XRCC5: variants seen among roughly 807,000 people sequenced by gnomAD.
The protein encoded by XRCC5 is X-ray repair cross complementing 5.
A neutral mutation model predicts 95.7 loss-of-function variants in XRCC5; 12 were observed. The observed-to-expected ratio is 0.13, with a 90% CI of 0.08 to 0.20. The LOEUF is 0.20. Among genes scored for constraint, XRCC5 ranks in the 10% least tolerant of loss-of-function variants. XRCC5 has a pLI of 1.00. For synonymous variants in XRCC5, 281 were observed against 290.3 expected (o/e 0.97, Z 0.33); for missense variants, 595 against 873.9 (o/e 0.68, Z 4.02).
chr2:216,201,665 T>C (rs1269199417), intron 19 of XRCC5, among the ~76,000 whole-genome samples: 2 of 152,184 alleles, frequency 1.3e-5, no homozygotes, highest in Admixed American at 1.3e-4. Context: ...TCTCAGCATA[T>C]TGCAGAGGGA....
At chr2:216,193,139 A>T (rs1689649893) in intron 18 of XRCC5, among the ~76,000 whole-genome samples, 1 of 152,114 alleles carries the variant, frequency 6.6e-6, no homozygotes. Context: ...TCTCCCTGCT[A>T]CTTTTCATTT....
At chr2:216,192,574 G>T in intron 17 of XRCC5, 65 bp from the exon 18 acceptor site, 1 of 1,131,660 alleles carries the variant, frequency 8.8e-7, no homozygotes. Context: ...TGTTTGGTCT[G>T]GGGTGAATTT....
intron 19 of XRCC5, among the ~76,000 whole-genome samples, chr2:216,199,492 G>A (rs1689794017): frequency 6.6e-6 from 1 of 152,076 alleles, no homozygotes; most frequent in South Asian, 2.1e-4. Flanking sequence ...TGAAACCTAG[G>A]CATAAATCAT....
Position 216,122,133 on chromosome 2 carries a change from A to T in XRCC5, c.563A>T (p.His188Leu), listed in dbSNP as rs1443941701. The T allele has an allele frequency of 2.5e-6, 4 of 1,614,226 alleles. No homozygotes were observed. The highest frequency in any genetic ancestry group is 3.4e-6 in the Non-Finnish European group (4 of 1,180,022). ...GATGGCCCCTTTCGCTTAGGTGGCCATGGGCCTTCCTTTCCACTAAAAGGA... is the reference window on the plus strand; with the variant it reads ...GATGGCCCCTTTCGCTTAGGTGGCCTTGGGCCTTCCTTTCCACTAAAAGGA... Reference protein sequence around the residue: ...RGDGPFRLGGHGPSFPLKGIT... With the variant: ...RGDGPFRLGGLGPSFPLKGIT... Residue 188 changes from histidine (H) to leucine (L), a missense_variant, in exon 6 of 21, where the codon CAT (histidine) becomes CTT (leucine). His to Leu is a moderately conservative substitution (Grantham distance 99, BLOSUM62 -3). Transcript: ENST00000392132.
intron 6 of XRCC5, 74 bp downstream of exon 6, chr2:216,122,327 A>C: frequency 7.1e-7 from 1 of 1,405,860 alleles, no homozygotes; most frequent in Non-Finnish European, 9.6e-7. Context: ...GAGGTCTCCC[A>C]AATGTTTCCT....
At chr2:216,204,526 C>T (rs1689905429) in intron 20 of XRCC5, 130 bp downstream of exon 20, 2 of 897,066 alleles carry the variant, frequency 2.2e-6, no homozygotes, top group African/African-American at 3.4e-5. Context: ...CCAGAAGCTT[C>T]CTACACCATT....
intron 14 of XRCC5, among the ~76,000 whole-genome samples, chr2:216,151,490 G>A (rs1196780376): frequency 6.6e-6 from 1 of 152,164 alleles, no homozygotes; most frequent in African/African-American, 2.4e-5. Context: ...CTTGGTTAAT[G>A]GTTAAGACTT....
intron 6 of XRCC5, among the ~76,000 whole-genome samples, chr2:216,122,944 G>A (rs1047975894): frequency 2.6e-5 from 4 of 152,134 alleles, no homozygotes; most frequent in African/African-American, 9.7e-5. Context: ...ATTCTTGGTT[G>A]GAATTGGACA....
At position 216,205,574 on chromosome 2, in the gene XRCC5, G is replaced by T. The variant is rs41437350; in HGVS notation, c.*372G>T. On this transcript the variant is annotated 3_prime_UTR_variant, in exon 21 of 21. Coordinates refer to ENST00000392132, the MANE Select transcript of XRCC5 (RefSeq NM_021141.4). Reference sequence around the variant, plus strand: ...TGTGATGTGATTAGTGTCTCATGTGGAACCATGGCATGGTTATTGATGAGT... The same window carrying T: ...TGTGATGTGATTAGTGTCTCATGTGTAACCATGGCATGGTTATTGATGAGT... 6.7e-3 allele frequency: 1,361 copies of T among 202,110 alleles called. 22 individuals carry two copies. The highest frequency in any genetic ancestry group is 6.7e-3 in the Non-Finnish European group (671 of 99,944). 12.5% of individuals were successfully genotyped at this position (202,110 alleles called of 1,614,324 possible). A position where few individuals can be genotyped will look rare whatever the true frequency, so the allele number is the denominator to read the frequency against.
chr2:216,115,002 TG>T (rs1559236065), intron 2 of XRCC5, among the ~76,000 whole-genome samples: 1 of 150,600 alleles, frequency 6.6e-6, no homozygotes, highest in South Asian at 2.1e-4. Context: ...CGCCGGTGGT[TG>T]GGGGGCGGGG....
intron 7 of XRCC5, 131 bp downstream of exon 7, chr2:216,126,162 C>T: frequency 1.4e-6 from 1 of 695,078 alleles, no homozygotes. Context: ...TCTCCCTGCT[C>T]ATTTAATCTC....
intron 16 of XRCC5, among the ~76,000 whole-genome samples, chr2:216,181,305 C>T (rs1689382172): frequency 6.6e-6 from 1 of 152,140 alleles, no homozygotes; most frequent in Admixed American, 6.5e-5. Context: ...CTCCTTCATT[C>T]CTGCCCATAT....
At chr2:216,141,540 C>CCTTTTTTT (rs1697169411) in intron 13 of XRCC5, among the ~76,000 whole-genome samples, 1 of 65,006 alleles carries the variant, frequency 1.5e-5, no homozygotes, top group Admixed American at 2.1e-4. Flanking sequence ...TCTTTCTTTT[C>CCTTTTTTT]TTTTTTTTTT....
At chr2:216,140,730 C>T (rs1300143119) in intron 12 of XRCC5, among the ~76,000 whole-genome samples, 1 of 152,138 alleles carries the variant, frequency 6.6e-6, no homozygotes, top group Non-Finnish European at 1.5e-5. Flanking sequence ...GTGCTGTACT[C>T]TGATAAAAGT....
At chr2:216,158,037 GCTA>G (rs1452197120) in intron 14 of XRCC5, among the ~76,000 whole-genome samples, 3 of 152,144 alleles carry the variant, frequency 2.0e-5, no homozygotes, top group Admixed American at 6.5e-5. Flanking sequence ...TATGACTGGG[GCTA>G]CTTTTACTTG....
Position 216,115,608 on chromosome 2 carries a change from T to G in XRCC5, c.136-1051T>G, listed in dbSNP as rs1696682011. ...TGAAGAATGACAGAATTCCATTATC[T>G]CTCCATACAGCACTCTTCCCCATCA... On this transcript the variant is annotated intron_variant, in intron 2 of 20. Transcript: ENST00000392132. Among the ~76,000 whole-genome samples, 6 of 152,274 alleles carry G rather than the reference T, an allele frequency of 3.9e-5. No individual in the cohort carries two copies. The South Asian group carries it at 1.2e-3, about 32-fold the overall frequency.
At chr2:216,169,569 AAAAG>A (rs1333070693) in intron 16 of XRCC5, among the ~76,000 whole-genome samples, 4 of 152,224 alleles carry the variant, frequency 2.6e-5, no homozygotes, top group African/African-American at 9.6e-5. Context: ...CTGCTTAAGA[AAAAG>A]AAAAACCTTT....
intron 14 of XRCC5, 121 bp from the exon 15 acceptor site, chr2:216,159,947 A>G: frequency 1.8e-6 from 1 of 567,360 alleles, no homozygotes; most frequent in South Asian, 2.8e-5. Flanking sequence ...CTTCTTCATT[A>G]TTTTTCTTTT....
intron 16 of XRCC5, among the ~76,000 whole-genome samples, chr2:216,182,188 T>C (rs1293197812): frequency 6.6e-6 from 1 of 152,168 alleles, no homozygotes; most frequent in Non-Finnish European, 1.5e-5. Context: ...GGAGTCTGAC[T>C]CATCATTCAC....
Sources: allele counts gnomAD v4.1 joint callset (sites outside exome capture counted in the v4.1 genomes callset), GRCh38; gene constraint gnomAD v4.1.1; transcripts MANE v1.5; gene names NCBI Gene and HGNC (gene_info 2026-07-23, HGNC 2026-07-21).